Variants in LRRIQ3 observed in about 807,000 individuals in gnomAD.
LRRIQ3 encodes the protein leucine-rich repeat and IQ domain-containing protein 3.
LRRIQ3 carries 75 observed loss-of-function variants against 59.3 expected under a neutral mutation model. The ratio of observed to expected loss-of-function variants is 1.26; its 90% CI spans 1.05 to 1.53. The LOEUF (loss-of-function observed/expected upper bound fraction) is 1.53, where lower values mean the gene tolerates loss of function less well. Among genes scored for constraint, LRRIQ3 ranks in the 40% most tolerant of loss-of-function variants. The pLI, the probability that LRRIQ3 is intolerant of heterozygous loss-of-function variation, is 0.00. For synonymous variants in LRRIQ3, 250 were observed against 231.3 expected (o/e 1.08, Z -0.73); for missense variants, 831 against 710.0 (o/e 1.17, Z -1.94).
At chr1:74,053,947 G>A (rs1654447883) in intron 6 of LRRIQ3, among the ~76,000 whole-genome samples, 1 of 152,106 alleles carries the variant, frequency 6.6e-6, no homozygotes, top group South Asian at 2.1e-4. Context: ...CACTTTGGAA[G>A]ACTGGCAGTG....
chr1:74,079,510 T>C (rs1646248942), intron 5 of LRRIQ3, among the ~76,000 whole-genome samples: 1 of 151,846 alleles, frequency 6.6e-6, no homozygotes, highest in Admixed American at 6.6e-5. Flanking sequence ...GTCCTCCTCC[T>C]ATTATTCTCT....
chr1:74,097,217 T>C (rs1646461874), intron 5 of LRRIQ3, among the ~76,000 whole-genome samples: 1 of 152,112 alleles, frequency 6.6e-6, no homozygotes, highest in Non-Finnish European at 1.5e-5. Context: ...AGTCCTTAAA[T>C]GACCTGATGG....
At chr1:74,172,600 C>T (rs1649393479) in intron 3 of LRRIQ3, among the ~76,000 whole-genome samples, 1 of 152,072 alleles carries the variant, frequency 6.6e-6, no homozygotes, top group South Asian at 2.1e-4. Context: ...ATTTGGCCCC[C>T]AGTGTTATTC....
chr1:74,100,952 A>C (rs1213020284), intron 5 of LRRIQ3, among the ~76,000 whole-genome samples: 1 of 152,194 alleles, frequency 6.6e-6, no homozygotes. Flanking sequence ...AAACCATAAA[A>C]ACCCTAGAAG....
Position 74,135,929 on chromosome 1 carries a change from A to T in LRRIQ3, c.707+19804T>A, listed in dbSNP as rs182164823. 7.6e-4 allele frequency among the ~76,000 whole-genome samples: 115 copies of T among 151,990 alleles called. 1 individual carries two copies. In the East Asian group the frequency reaches 0.014, roughly 19 times the overall value. ...AATCAGTGAAATAAAAAACTAGAAAAATAGTAGAGAAAATTAATAAAATCA... is the reference window on the plus strand; with the variant it reads ...AATCAGTGAAATAAAAAACTAGAAATATAGTAGAGAAAATTAATAAAATCA... On this transcript the variant is annotated intron_variant, in intron 4 of 7. Coordinates refer to ENST00000354431, the MANE Select transcript of LRRIQ3 (RefSeq NM_001105659.2).
intron 7 of LRRIQ3, among the ~76,000 whole-genome samples, chr1:74,032,034 TATG>T (rs1386876516): frequency 6.6e-6 from 1 of 151,922 alleles, no homozygotes; most frequent in Non-Finnish European, 1.5e-5. Flanking sequence ...AAGATAATAT[TATG>T]ATGTCAATTT....
intron 3 of LRRIQ3, among the ~76,000 whole-genome samples, chr1:74,175,198 G>A (rs1292755992): frequency 2.0e-5 from 3 of 152,136 alleles, no homozygotes; most frequent in African/African-American, 7.2e-5. Context: ...GAGGCCAGCT[G>A]GTCTGCTGGG....
chr1:74,140,692 T>C (rs760230959), intron 4 of LRRIQ3, among the ~76,000 whole-genome samples: 2 of 151,832 alleles, frequency 1.3e-5, no homozygotes, highest in Admixed American at 6.6e-5. Context: ...TGAAATCATA[T>C]AGGACAGGAT....
At chr1:74,135,864 T>C (rs113821687) in intron 4 of LRRIQ3, among the ~76,000 whole-genome samples, 9 of 151,872 alleles carry the variant, frequency 5.9e-5, no homozygotes, top group African/African-American at 2.2e-4. Context: ...TAAAGGAATC[T>C]CATAGCAAGC....
intron 6 of LRRIQ3, 31 bp downstream of exon 6, chr1:74,074,630 T>A: frequency 8.3e-6 from 8 of 967,450 alleles, no homozygotes; most frequent in Non-Finnish European, 1.1e-5. Context: ...AATATATTTA[T>A]TAAATATAAT....
In LRRIQ3 at chr1:74,176,370, C is replaced by T. The variant is rs1649639451; in HGVS notation, c.573+6168G>A. 1.3e-5 allele frequency among the ~76,000 whole-genome samples: 2 copies of T among 151,910 alleles called. 1 individual carries two copies. Reference sequence around the variant, plus strand: ...CACCTATAGGTAAAGTGTTGTCTTTCTTGTTTTCCAGATTTTTTTCTTTGC... The same window carrying T: ...CACCTATAGGTAAAGTGTTGTCTTTTTTGTTTTCCAGATTTTTTTCTTTGC... On this transcript the variant is annotated intron_variant, in intron 3 of 7. Coordinates refer to ENST00000354431, the MANE Select transcript of LRRIQ3 (RefSeq NM_001105659.2).
intron 3 of LRRIQ3, chr1:74,180,672 T>G: frequency 6.5e-7 from 1 of 1,527,936 alleles, no homozygotes; most frequent in Non-Finnish European, 8.8e-7. Flanking sequence ...CTGTCATTTG[T>G]GATGCAATGT....
intron 5 of LRRIQ3, among the ~76,000 whole-genome samples, chr1:74,094,060 G>A (rs1159146282): frequency 6.6e-6 from 1 of 151,976 alleles, no homozygotes; most frequent in African/African-American, 2.4e-5. Flanking sequence ...CTGGCTTGCC[G>A]ATGACAACCT....
intron 4 of LRRIQ3, among the ~76,000 whole-genome samples, chr1:74,132,343 T>G (rs1301491780): frequency 6.6e-6 from 1 of 152,066 alleles, no homozygotes; most frequent in Non-Finnish European, 1.5e-5. Context: ...AAACTACCAA[T>G]GACTTTCTTG....
chr1:74,171,287 T>C (rs180929571), intron 3 of LRRIQ3, among the ~76,000 whole-genome samples: 19 of 152,312 alleles, frequency 1.2e-4, no homozygotes, highest in Non-Finnish European at 2.8e-4. Flanking sequence ...GCTTTTTATA[T>C]ATAGTCCTTA....
At chr1:74,113,073 A>C (rs1646724758) in intron 4 of LRRIQ3, among the ~76,000 whole-genome samples, 1 of 151,958 alleles carries the variant, frequency 6.6e-6, no homozygotes, top group African/African-American at 2.4e-5. Flanking sequence ...CACTTAAAAG[A>C]AATCAAATAC....
intron 4 of LRRIQ3, among the ~76,000 whole-genome samples, chr1:74,152,490 T>C (rs1398119227): frequency 1.3e-5 from 2 of 152,124 alleles, no homozygotes; most frequent in South Asian, 2.1e-4. Context: ...TATGAAACTA[T>C]TTTGTGTATA....
intron 4 of LRRIQ3, among the ~76,000 whole-genome samples, chr1:74,148,142 G>A (rs1010218836): frequency 6.6e-6 from 1 of 151,868 alleles, no homozygotes; most frequent in African/African-American, 2.4e-5. Context: ...CATGTTTCTT[G>A]TGTCCTTACA....
chr1:74,062,427 G>T (rs1414739028), intron 6 of LRRIQ3, among the ~76,000 whole-genome samples: 1 of 152,102 alleles, frequency 6.6e-6, no homozygotes, highest in Non-Finnish European at 1.5e-5. Context: ...AGGTTGTGGA[G>T]GAAAGGGAAG....
Sources: allele counts gnomAD v4.1 joint callset (sites outside exome capture counted in the v4.1 genomes callset), GRCh38; gene constraint gnomAD v4.1.1; transcripts MANE v1.5; gene names NCBI Gene and HGNC (gene_info 2026-07-23, HGNC 2026-07-21).